Variants in B4GALT6 observed in about 807,000 individuals in gnomAD.
B4GALT6 encodes the protein UDP-Gal:beta-GlcNAc beta-1,4-galactosyltransferase 6.
Under a neutral mutation model 46.3 loss-of-function variants are expected in B4GALT6, and 14 were observed. That is an observed-to-expected ratio of 0.30 (90% CI 0.20 to 0.47). B4GALT6 has a LOEUF of 0.47. Ranked by LOEUF, B4GALT6 falls within the 20% of genes least tolerant of loss-of-function variation. The probability of loss-of-function intolerance (pLI) is 0.99; values close to 1 mark genes in which losing one functional copy is unlikely to be tolerated. For synonymous variants in B4GALT6, 168 were observed against 162.0 expected (o/e 1.04, Z -0.28); for missense variants, 386 against 480.1 (o/e 0.80, Z 1.83).
intron 2 of B4GALT6, among the ~76,000 whole-genome samples, chr18:31,663,321 T>C (rs896192891): frequency 6.6e-6 from 1 of 152,222 alleles, no homozygotes; most frequent in Non-Finnish European, 1.5e-5. Context: ...TCAATTCATG[T>C]ACCCATCAAA....
chr18:31,723,840 G>C, the B4GALT6 span, among the ~76,000 whole-genome samples: 1 of 152,158 alleles, frequency 6.6e-6, no homozygotes, highest in African/African-American at 2.4e-5. Context: ...GCATCTCTCG[G>C]ATTTCAGCTT....
At position 31,648,182 on chromosome 18, in the gene B4GALT6, GGTT is replaced by G. The variant is rs562006581; in HGVS notation, c.347-2706_347-2704del. ...TCTCCTCTGTGGTGAATCTGAGATT[GGTT>G]GTTGTTGTTCTTAATCCCAGATGTA... On this transcript the variant is annotated intron_variant, in intron 3 of 8. Transcript: ENST00000306851. 2.7e-3 allele frequency among the ~76,000 whole-genome samples: 418 copies of G among 152,238 alleles called. 2 individuals are homozygous for G. The highest frequency in any genetic ancestry group is 9.8e-3 in the African/African-American group (406 of 41,540).
At chr18:31,699,079 CAAAA>C in the B4GALT6 span, among the ~76,000 whole-genome samples, 2 of 82,304 alleles carry the variant, frequency 2.4e-5, no homozygotes, top group Admixed American at 1.4e-4. Context: ...GACTCTGTCT[CAAAA>C]AAAAAAAAAA....
chr18:31,670,539 T>A (rs1276050007), intron 1 of B4GALT6, among the ~76,000 whole-genome samples: 2 of 152,200 alleles, frequency 1.3e-5, no homozygotes, highest in African/African-American at 4.8e-5. Flanking sequence ...AGGTTAATGG[T>A]CCTCATGGGT....
chr18:31,717,777 A>G, the B4GALT6 span, among the ~76,000 whole-genome samples: 1 of 152,054 alleles, frequency 6.6e-6, no homozygotes, highest in Non-Finnish European at 1.5e-5. Context: ...CAACATGGAG[A>G]AACCCCGTCT....
chr18:31,633,955 G>A (rs927173751), intron 5 of B4GALT6, among the ~76,000 whole-genome samples: 9 of 152,196 alleles, frequency 5.9e-5, no homozygotes, highest in African/African-American at 2.2e-4. Context: ...CCCTTTTGTT[G>A]AATAAATGAA....
At chr18:31,661,817 T>C (rs1053292711) in intron 2 of B4GALT6, among the ~76,000 whole-genome samples, 2 of 152,248 alleles carry the variant, frequency 1.3e-5, no homozygotes, top group Non-Finnish European at 2.9e-5. Flanking sequence ...ACAAGGCTCA[T>C]TTTCTTATAA....
chr18:31,627,481 G>C (rs796239406), intron 6 of B4GALT6, among the ~76,000 whole-genome samples: 59 of 152,224 alleles, frequency 3.9e-4, no homozygotes, highest in African/African-American at 1.3e-3. Context: ...ATGCATGTCA[G>C]ATGTTCCTAA....
At chr18:31,649,936 T>C (rs769225662) in intron 3 of B4GALT6, among the ~76,000 whole-genome samples, 20 of 152,224 alleles carry the variant, frequency 1.3e-4, no homozygotes, top group Admixed American at 2.6e-4. Context: ...TAAATCATTC[T>C]ACCAAAAAGG....
At chr18:31,670,957 T>C (rs976213837) in intron 1 of B4GALT6, among the ~76,000 whole-genome samples, 22 of 152,022 alleles carry the variant, frequency 1.4e-4, no homozygotes, top group African/African-American at 5.1e-4. Context: ...TGTGTCCATG[T>C]GTTCTCATTG....
chr18:31,720,978 A>G, the B4GALT6 span, among the ~76,000 whole-genome samples: 1 of 152,204 alleles, frequency 6.6e-6, no homozygotes. Context: ...TGTTGGTTAC[A>G]GGGGATCATC....
At chr18:31,718,047 G>T in the B4GALT6 span, among the ~76,000 whole-genome samples, 9 of 152,052 alleles carry the variant, frequency 5.9e-5, no homozygotes, top group South Asian at 1.9e-3. Flanking sequence ...ATTAAAACTG[G>T]TTACTAACAT....
At chr18:31,659,428 C>T (rs1330928849) in intron 2 of B4GALT6, among the ~76,000 whole-genome samples, 1 of 152,108 alleles carries the variant, frequency 6.6e-6, no homozygotes, top group African/African-American at 2.4e-5. Flanking sequence ...AGACTCACGC[C>T]ACCTGCAAGA....
chr18:31,648,599 T>A (rs1259976513), intron 3 of B4GALT6, among the ~76,000 whole-genome samples: 3 of 152,204 alleles, frequency 2.0e-5, no homozygotes, highest in Non-Finnish European at 2.9e-5. Flanking sequence ...AATGCTGAAT[T>A]TGCAAGATAT....
intron 4 of B4GALT6, among the ~76,000 whole-genome samples, chr18:31,644,411 A>G (rs961668620): frequency 1.3e-5 from 2 of 152,112 alleles, no homozygotes; most frequent in African/African-American, 4.8e-5. Flanking sequence ...TGAGTTTAAC[A>G]GCATATGATT....
the B4GALT6 span, among the ~76,000 whole-genome samples, chr18:31,715,397 T>C: frequency 6.6e-6 from 1 of 151,890 alleles, no homozygotes; most frequent in African/African-American, 2.4e-5. Flanking sequence ...GGCTGATTTG[T>C]TTAAACTTTT....
chr18:31,716,830 C>A, the B4GALT6 span, among the ~76,000 whole-genome samples: 1 of 152,136 alleles, frequency 6.6e-6, no homozygotes, highest in African/African-American at 2.4e-5. Context: ...AGGCCGGGTG[C>A]CACTCACGCC....
intron 1 of B4GALT6, among the ~76,000 whole-genome samples, chr18:31,672,193 A>G (rs561341855): frequency 1.3e-5 from 2 of 152,302 alleles, no homozygotes. Context: ...TGTGATCCTG[A>G]TATCTCTGTT....
chr18:31,652,992 A>G (rs1416941382), intron 3 of B4GALT6, among the ~76,000 whole-genome samples: 2 of 151,634 alleles, frequency 1.3e-5, no homozygotes, highest in Non-Finnish European at 2.9e-5. Flanking sequence ...CATTTCCCTA[A>G]AGCAGTGGTG....
Sources: gnomAD v4.1 joint callset for allele counts (sites outside exome capture counted in the v4.1 genomes callset) on GRCh38, gnomAD v4.1.1 for gene constraint, MANE v1.5 for transcripts, NCBI Gene and HGNC (gene_info 2026-07-23, HGNC 2026-07-21) for gene names.